ZMIZ1: variants seen among roughly 807,000 people sequenced by gnomAD.
ZMIZ1 encodes zinc finger MIZ domain-containing protein 1.
A neutral mutation model predicts 113.9 loss-of-function variants in ZMIZ1; 17 were observed. The observed-to-expected ratio is 0.15, with a 90% CI of 0.10 to 0.22. ZMIZ1 has a LOEUF of 0.22. Among genes scored for constraint, ZMIZ1 ranks in the 10% least tolerant of loss-of-function variants. The pLI is 1.00. For synonymous variants in ZMIZ1, 607 were observed against 603.1 expected, an observed-to-expected ratio of 1.01 and a Z score of -0.09; for missense variants, 1,059 against 1,477.8, an observed-to-expected ratio of 0.72 and a Z score of 4.65.
intron 7 of ZMIZ1, among the ~76,000 whole-genome samples, chr10:79,241,610 C>T (rs993406280): frequency 6.6e-6 from 1 of 152,066 alleles, no homozygotes; most frequent in Non-Finnish European, 1.5e-5. Context: ...ACCAGCTTCT[C>T]GGAGGGAAAG....
intron 7 of ZMIZ1, among the ~76,000 whole-genome samples, chr10:79,239,502 G>A (rs1317474136): frequency 1.3e-5 from 2 of 152,212 alleles, no homozygotes; most frequent in African/African-American, 4.8e-5. Flanking sequence ...ACATCTCCGA[G>A]TCATAGGATC....
intron 1 of ZMIZ1, among the ~76,000 whole-genome samples, chr10:79,075,860 G>C (rs767037915): frequency 3.3e-5 from 5 of 152,206 alleles, no homozygotes; most frequent in Non-Finnish European, 5.9e-5. Context: ...CGAAAGTTCT[G>C]TTTTGGTGTC....
chr10:79,162,018 T>G, intron 3 of ZMIZ1, 35 bp from the exon 4 acceptor site: 1 of 399,048 alleles, frequency 2.5e-6, no homozygotes. Context: ...GCCTCTACTG[T>G]GGGTAGACCC....
intron 7 of ZMIZ1, among the ~76,000 whole-genome samples, chr10:79,254,703 G>T (rs753394449): frequency 6.6e-6 from 1 of 152,218 alleles, no homozygotes; most frequent in Non-Finnish European, 1.5e-5. Flanking sequence ...CCTTCCTGGG[G>T]TGAGGCAAAA....
rs1312664747 is a variant in ZMIZ1 at position 79,313,875 on chromosome 10, C to T, written c.*1126C>T. The T allele has an allele frequency of 2.2e-5, 8 of 370,896 alleles. No homozygotes were observed. Among genetic ancestry groups the T allele is most frequent in the South Asian group, 4.0e-5 (2 of 50,336 alleles). 23.0% of individuals were successfully genotyped at this position (370,896 alleles called of 1,614,324 possible). On this transcript the variant is annotated 3_prime_UTR_variant, in exon 25 of 25. Coordinates refer to ENST00000334512, the MANE Select transcript of ZMIZ1 (RefSeq NM_020338.4). ...TGGCAAGGGCAGTGCGTGGAAAGGCCGGGGAGGTGCAGAAACCAGAGCCCA... is the reference window on the plus strand; with the variant it reads ...TGGCAAGGGCAGTGCGTGGAAAGGCTGGGGAGGTGCAGAAACCAGAGCCCA...
At chr10:79,236,594 A>C (rs1313056) in intron 7 of ZMIZ1, among the ~76,000 whole-genome samples, 48,503 of 152,076 alleles carry the variant, frequency 0.32, 8,229 homozygotes, top group Non-Finnish European at 0.39. Context: ...CACCACCTCC[A>C]GCAGCCCCTT....
chr10:79,312,592 C>T (rs753933312), intron 24 of ZMIZ1, 50 bp from the exon 25 acceptor site: 9 of 1,602,752 alleles, frequency 5.6e-6, no homozygotes, highest in Non-Finnish European at 6.8e-6. Context: ...CACCCGGGGC[C>T]TGCCTCTCAG....
chr10:79,160,381 T>C (rs931302429), intron 3 of ZMIZ1, among the ~76,000 whole-genome samples: 1 of 152,206 alleles, frequency 6.6e-6, no homozygotes, highest in Non-Finnish European at 1.5e-5. Context: ...CCAGCACTCA[T>C]GGAGCCCAGC....
At chr10:79,310,567 G>A (rs930276665) in intron 23 of ZMIZ1, among the ~76,000 whole-genome samples, 2 of 152,068 alleles carry the variant, frequency 1.3e-5, no homozygotes, top group African/African-American at 4.8e-5. Context: ...TGCCCATTCT[G>A]CTTCTCCATC....
chr10:79,131,483 G>A (rs1564669317), intron 2 of ZMIZ1, among the ~76,000 whole-genome samples: 1 of 152,150 alleles, frequency 6.6e-6, no homozygotes, highest in African/African-American at 2.4e-5. Context: ...GTTAAATTGT[G>A]TTATTATATT....
At chr10:79,286,185 C>T (rs1416858322) in intron 8 of ZMIZ1, among the ~76,000 whole-genome samples, 1 of 152,224 alleles carries the variant, frequency 6.6e-6, no homozygotes, top group African/African-American at 2.4e-5. Context: ...CTGTGCTCGT[C>T]GGAGAGAAGA....
intron 4 of ZMIZ1, among the ~76,000 whole-genome samples, chr10:79,187,396 G>C (rs1847394669): frequency 6.6e-6 from 1 of 152,248 alleles, no homozygotes; most frequent in Non-Finnish European, 1.5e-5. Flanking sequence ...TCACTGCCCA[G>C]CTGTGTGACC....
chr10:79,271,237 A>G (rs1422042721), intron 7 of ZMIZ1, among the ~76,000 whole-genome samples: 1 of 152,196 alleles, frequency 6.6e-6, no homozygotes, highest in Non-Finnish European at 1.5e-5. Context: ...ATGTGATCAG[A>G]AGCAGAGATG....
chr10:79,300,159 G>GC (rs1854193229), intron 16 of ZMIZ1, among the ~76,000 whole-genome samples: 1 of 152,248 alleles, frequency 6.6e-6, no homozygotes, highest in Non-Finnish European at 1.5e-5. Context: ...TGTGCTGCCT[G>GC]CCTGCACCCT....
chr10:79,185,300 G>T (rs897229526), intron 4 of ZMIZ1, among the ~76,000 whole-genome samples: 1 of 152,190 alleles, frequency 6.6e-6, no homozygotes, highest in Admixed American at 6.5e-5. Flanking sequence ...TGAGTCGGCA[G>T]CATCCTGCCT....
intron 2 of ZMIZ1, among the ~76,000 whole-genome samples, chr10:79,129,723 G>T (rs553766170): frequency 6.6e-6 from 1 of 152,346 alleles, no homozygotes; most frequent in Admixed American, 6.5e-5. Flanking sequence ...CAGCTTTCTG[G>T]AGACGTTCAG....
chr10:79,208,729 C>G (rs377673594), intron 6 of ZMIZ1, among the ~76,000 whole-genome samples: 1 of 152,220 alleles, frequency 6.6e-6, no homozygotes, highest in Admixed American at 6.5e-5. Context: ...GGTCACTGTT[C>G]CATCATAAGC....
In ZMIZ1 at chr10:79,221,731, A is replaced by C. The variant is rs113994816; in HGVS notation, c.280+5457A>C. Among the ~76,000 whole-genome samples, 539 of 152,328 alleles carry C rather than the reference A, an allele frequency of 3.5e-3. 6 individuals are homozygous for C. Among genetic ancestry groups the C allele is most frequent in the African/African-American group, 0.012 (507 of 41,564 alleles). ...CCTGTCCATGCTTGAAGAAAGCCAT[A>C]TGGCCTCAGCTGACCCGTGAGCAGC... On this transcript the variant is annotated intron_variant, in intron 7 of 24. Coordinates refer to ENST00000334512, the MANE Select transcript of ZMIZ1 (RefSeq NM_020338.4).
chr10:79,293,324 G>A, intron 11 of ZMIZ1, 57 bp from the exon 12 acceptor site: 1 of 1,495,164 alleles, frequency 6.7e-7, no homozygotes, highest in Non-Finnish European at 8.9e-7. Context: ...TTCAATGCAT[G>A]TGGCATTTTA....
Sources: allele counts gnomAD v4.1 joint callset (sites outside exome capture counted in the v4.1 genomes callset), GRCh38; gene constraint gnomAD v4.1.1; transcripts MANE v1.5; gene names NCBI Gene and HGNC (gene_info 2026-07-23, HGNC 2026-07-21).